MAN1A2: variants seen among roughly 807,000 people sequenced by gnomAD.
MAN1A2 encodes the protein mannosidase alpha class 1A member 2, also known as mannosyl-oligosaccharide 1,2-alpha-mannosidase IB.
MAN1A2 carries 26 observed loss-of-function variants against 75.7 expected under a neutral mutation model. The ratio of observed to expected loss-of-function variants is 0.34; its 90% CI spans 0.25 to 0.48. The LOEUF (loss-of-function observed/expected upper bound fraction) is 0.48. Among genes scored for constraint, MAN1A2 ranks in the 20% least tolerant of loss-of-function variants. MAN1A2 has a pLI of 0.99. For missense variants in MAN1A2, 562 were observed against 775.5 expected (o/e 0.72, Z 3.27); for synonymous variants, 247 against 264.6 (o/e 0.93, Z 0.65).
At chr1:117,501,750 C>CT (rs1651208847) in intron 11 of MAN1A2, among the ~76,000 whole-genome samples, 2 of 151,520 alleles carry the variant, frequency 1.3e-5, no homozygotes. Context: ...AAATAAACAC[C>CT]TTTTTAATGT....
intron 8 of MAN1A2, among the ~76,000 whole-genome samples, chr1:117,469,709 T>G (rs1008592133): frequency 6.6e-6 from 1 of 152,032 alleles, no homozygotes; most frequent in Non-Finnish European, 1.5e-5. Context: ...AAAGAAGATA[T>G]GCAAATGGAA....
intron 1 of MAN1A2, among the ~76,000 whole-genome samples, chr1:117,370,566 T>C (rs1286817776): frequency 6.6e-6 from 1 of 152,224 alleles, no homozygotes; most frequent in East Asian, 1.9e-4. Context: ...TTAAATTAAG[T>C]GTATGTTTAA....
At position 117,368,500 on chromosome 1, in the gene MAN1A2, G is replaced by C; in HGVS notation, c.302+15G>C. On this transcript the variant is annotated intron_variant, in intron 1 of 12. Transcript: ENST00000356554. Reference sequence around the variant, plus strand: ...CATAGACACAGGTTTGTTTATTTCAGAAGTTCTGGTACTAACATTTGGCAG... The same window carrying C: ...CATAGACACAGGTTTGTTTATTTCACAAGTTCTGGTACTAACATTTGGCAG... 6.3e-7 allele frequency: 1 copy of C among 1,584,706 alleles called. No individual in the cohort carries two copies.
At chr1:117,474,741 C>G (rs986533677) in intron 8 of MAN1A2, among the ~76,000 whole-genome samples, 6 of 151,816 alleles carry the variant, frequency 4.0e-5, no homozygotes, top group Non-Finnish European at 7.4e-5. Context: ...AAATGTACAA[C>G]TTGGTGTTTT....
chr1:117,458,485 ATATATATATATC>A (rs1649674323), intron 6 of MAN1A2, among the ~76,000 whole-genome samples: 1 of 45,802 alleles, frequency 2.2e-5, no homozygotes, highest in African/African-American at 8.7e-5. Flanking sequence ...AAGATGAGAA[ATATATATATATC>A]TATATATATA....
At position 117,525,834 on chromosome 1, in the gene MAN1A2, G is replaced by T. The variant is rs1371332772; in HGVS notation, c.*2877G>T. ...CTCAACTCAGAAAAATAAGTCCCCAGTCAGGTGGTTCTTACTTTCTTGTGG... is the reference window on the plus strand; with the variant it reads ...CTCAACTCAGAAAAATAAGTCCCCATTCAGGTGGTTCTTACTTTCTTGTGG... On this transcript the variant is annotated 3_prime_UTR_variant, in exon 13 of 13. Coordinates refer to ENST00000356554, the MANE Select transcript of MAN1A2 (RefSeq NM_006699.5). The T allele has an allele frequency of 6.6e-6, 1 of 151,738 alleles. No individual in the cohort carries two copies. Among genetic ancestry groups the T allele is most frequent in the Non-Finnish European group, 1.5e-5 (1 of 67,812 alleles). The allele number at this position is 151,738 out of a possible 1,614,324, so 9.4% of individuals were successfully genotyped here. A position where few individuals can be genotyped will look rare whatever the true frequency, so the allele number is the denominator to read the frequency against.
rs78285565 is a variant in MAN1A2, at chr1:117,462,568, A to G, written c.1074+1956A>G. On this transcript the variant is annotated intron_variant, in intron 7 of 12. Transcript: ENST00000356554. ...TCCTCAGTACATCCAGAGAACAAAG[A>G]GAAGGTTGGAAGTTTTATTAGAAAT... Among the ~76,000 whole-genome samples, 887 of 152,286 alleles carry G rather than the reference A, an allele frequency of 5.8e-3. 11 individuals are homozygous for G. Among genetic ancestry groups the G allele is most frequent in the African/African-American group, 0.02 (842 of 41,560 alleles).
chr1:117,379,217 G>T (rs1390407824), intron 1 of MAN1A2, among the ~76,000 whole-genome samples: 6 of 151,936 alleles, frequency 3.9e-5, no homozygotes, highest in Admixed American at 6.6e-5. Context: ...AGTTGTCCCT[G>T]TGTGACTTAT....
In MAN1A2 at chr1:117,464,338, G is replaced by A. The variant is rs145754926; in HGVS notation, c.1075-1996G>A. 7.9e-3 allele frequency among the ~76,000 whole-genome samples: 954 copies of A among 120,198 alleles called. 23 individuals are homozygous for A. The highest frequency in any genetic ancestry group is 0.065 in the Admixed American group (717 of 10,990). The allele number at this position is 120,198 out of a possible 152,430, so 78.9% of individuals were successfully genotyped here. ...CGAGCCATTGCACTCCAGCCTGGGCGACAGAGCAAGACTCTGTCAAAAAAA... is the reference window on the plus strand; with the variant it reads ...CGAGCCATTGCACTCCAGCCTGGGCAACAGAGCAAGACTCTGTCAAAAAAA... On this transcript the variant is annotated intron_variant, in intron 7 of 12. Transcript: ENST00000356554.
chr1:117,376,431 GAA>G (rs1294359587), intron 1 of MAN1A2, among the ~76,000 whole-genome samples: 9 of 152,226 alleles, frequency 5.9e-5, no homozygotes, highest in Admixed American at 2.6e-4. Context: ...TATGGTCTGT[GAA>G]AGGTCTAATT....
intron 1 of MAN1A2, among the ~76,000 whole-genome samples, chr1:117,397,274 G>A (rs1570709975): frequency 6.6e-6 from 1 of 152,070 alleles, no homozygotes; most frequent in Non-Finnish European, 1.5e-5. Flanking sequence ...TTTGAATAAG[G>A]CTCTTCACAA....
At chr1:117,391,176 C>T (rs995937714) in intron 1 of MAN1A2, among the ~76,000 whole-genome samples, 3 of 152,092 alleles carry the variant, frequency 2.0e-5, no homozygotes, top group Admixed American at 1.3e-4. Flanking sequence ...TTTATATGGT[C>T]TGAATACTTT....
At chr1:117,498,370 G>A (rs1323562856) in intron 10 of MAN1A2, among the ~76,000 whole-genome samples, 3 of 151,628 alleles carry the variant, frequency 2.0e-5, no homozygotes, top group African/African-American at 7.3e-5. Context: ...ATTTCATATA[G>A]CATACATTCT....
At chr1:117,401,460 C>G (rs998104269) in intron 1 of MAN1A2, among the ~76,000 whole-genome samples, 2 of 152,134 alleles carry the variant, frequency 1.3e-5, no homozygotes, top group African/African-American at 4.8e-5. Flanking sequence ...CTCTTGTATT[C>G]ATTCCTGTGG....
At position 117,496,831 on chromosome 1, in the gene MAN1A2, G is replaced by A. The variant is rs111250977; in HGVS notation, c.1353G>A (p.Gly451=). 30 of 1,612,624 alleles carry A rather than the reference G, an allele frequency of 1.9e-5. 1 individual carries two copies. The highest frequency in any genetic ancestry group is 3.3e-4 in the Middle Eastern group (2 of 6,044). Reference sequence around the variant, plus strand: ...CCTTTATTGGAGAATGGAAGAATGGGCACTTGGAAAAAAAGATGGGGCATT... The same window carrying A: ...CCTTTATTGGAGAATGGAAGAATGGACACTTGGAAAAAAAGATGGGGCATT... ...GLTFIGEWKN[G]HLEKKMGHLA... The change falls in exon 10 of 13, where the codon GGG becomes GGA. Residue 451 remains glycine (G), a synonymous_variant. Transcript: ENST00000356554.
chr1:117,417,164 A>G (rs1300553248), intron 4 of MAN1A2, among the ~76,000 whole-genome samples: 1 of 152,114 alleles, frequency 6.6e-6, no homozygotes, highest in East Asian at 1.9e-4. Flanking sequence ...AGAAGAATGG[A>G]TTTGAACCTG....
intron 8 of MAN1A2, among the ~76,000 whole-genome samples, chr1:117,489,197 T>C (rs778533988): frequency 5.9e-5 from 9 of 152,206 alleles, no homozygotes; most frequent in South Asian, 2.1e-4. Flanking sequence ...TGAAAATAAT[T>C]CTGATTAAGT....
chr1:117,446,435 A>G (rs1293931569), intron 6 of MAN1A2, among the ~76,000 whole-genome samples: 1 of 152,036 alleles, frequency 6.6e-6, no homozygotes, highest in African/African-American at 2.4e-5. Flanking sequence ...ATAGAGCTAT[A>G]AATTTCCCTC....
At chr1:117,418,711 G>C (rs972391247) in intron 4 of MAN1A2, among the ~76,000 whole-genome samples, 7 of 152,166 alleles carry the variant, frequency 4.6e-5, no homozygotes, top group Non-Finnish European at 1.0e-4. Flanking sequence ...TAGGTTCTCA[G>C]TTATTACTTC....
Sources: gnomAD v4.1 joint callset for allele counts (sites outside exome capture counted in the v4.1 genomes callset) on GRCh38, gnomAD v4.1.1 for gene constraint, MANE v1.5 for transcripts, NCBI Gene and HGNC (gene_info 2026-07-23, HGNC 2026-07-21) for gene names.